The following SLC38A4 variants were observed in gnomAD, a reference collection of about 807,000 sequenced individuals.
SLC38A4 encodes solute carrier family 38 member 4.
SLC38A4 carries 20 observed loss-of-function variants against 63.1 expected under a neutral mutation model. That is an observed-to-expected ratio of 0.32 (90% CI 0.22 to 0.46). SLC38A4 has a LOEUF of 0.46. SLC38A4 is among the 20% of genes least tolerant of loss of function. The pLI is 1.00. For missense variants in SLC38A4, 526 were observed against 663.6 expected (o/e 0.79, Z 2.28); for synonymous variants, 230 against 225.5 (o/e 1.02, Z -0.18).
chr12:46,805,368 G>C (rs1939210706), intron 1 of SLC38A4, among the ~76,000 whole-genome samples: 1 of 151,952 alleles, frequency 6.6e-6, no homozygotes, highest in South Asian at 2.1e-4. Flanking sequence ...ATATACACAT[G>C]AAAACTAATT....
chr12:46,785,503 T>G (rs1303117576), intron 5 of SLC38A4, among the ~76,000 whole-genome samples: 1 of 152,078 alleles, frequency 6.6e-6, no homozygotes, highest in East Asian at 1.9e-4. Context: ...CATGGGAATA[T>G]GTACATCATA....
rs1328237768 is a variant in SLC38A4, at chr12:46,778,484, C to T, written c.993+17G>A. On this transcript the variant is annotated intron_variant, in intron 11 of 16. Coordinates refer to ENST00000266579, the MANE Select transcript of SLC38A4 (RefSeq NM_018018.5). ...ACACATAACTGTACTCATTAGAAGCCCGGACCGCTCACTTACCCGGGAGTT... is the reference window on the plus strand; with the variant it reads ...ACACATAACTGTACTCATTAGAAGCTCGGACCGCTCACTTACCCGGGAGTT... 1.2e-6 allele frequency: 2 copies of T among 1,610,348 alleles called. No individual in the cohort carries two copies. Among genetic ancestry groups the T allele is most frequent in the African/African-American group, 1.3e-5 (1 of 74,864 alleles).
At chr12:46,811,899 T>C (rs1020643310) in intron 1 of SLC38A4, among the ~76,000 whole-genome samples, 7 of 152,002 alleles carry the variant, frequency 4.6e-5, no homozygotes, top group Admixed American at 2.6e-4. Flanking sequence ...ATTGCAAGTC[T>C]TACAGGAGTT....
At chr12:46,778,172 G>A in intron 12 of SLC38A4, 117 bp downstream of exon 12, 1 of 914,390 alleles carries the variant, frequency 1.1e-6, no homozygotes, top group East Asian at 2.5e-5. Context: ...AGGAGTGGAT[G>A]GAGTACATAT....
At chr12:46,770,437 A>G (rs1014713866) in intron 14 of SLC38A4, among the ~76,000 whole-genome samples, 19 of 152,104 alleles carry the variant, frequency 1.2e-4, no homozygotes, top group African/African-American at 4.6e-4. Flanking sequence ...AACATTCCTC[A>G]GACTTTCTAG....
chr12:46,809,052 A>G (rs890394464), intron 1 of SLC38A4, among the ~76,000 whole-genome samples: 2 of 152,038 alleles, frequency 1.3e-5, no homozygotes, highest in Non-Finnish European at 2.9e-5. Context: ...TGTCCCTACC[A>G]GAACAATTTT....
Position 46,778,603 on chromosome 12 carries a change from C to T in SLC38A4, c.891G>A (p.Leu297=). ...GAGAGCCCTTGGCCTGGTTCTCATCCAGCCCTGCAGGATTGCGGTGGGTGT... is the reference window on the plus strand; with the variant it reads ...GAGAGCCCTTGGCCTGGTTCTCATCTAGCCCTGCAGGATTGCGGTGGGTGT... ...MDYTHRNPAG[L]DENQAKGSLH... is the part of the protein sequence containing the mutation. Residue 297 remains leucine (L), a synonymous_variant, in exon 11 of 17, where the codon CTG becomes CTA. Coordinates refer to ENST00000266579, the MANE Select transcript of SLC38A4 (RefSeq NM_018018.5). 1.9e-6 allele frequency: 3 copies of T among 1,613,056 alleles called. No homozygotes were observed. Among genetic ancestry groups the T allele is most frequent in the African/African-American group, 1.3e-5 (1 of 74,948 alleles).
At chr12:46,797,695 G>A (rs1337592556) in intron 2 of SLC38A4, among the ~76,000 whole-genome samples, 1 of 152,070 alleles carries the variant, frequency 6.6e-6, no homozygotes, top group Non-Finnish European at 1.5e-5. Context: ...GGAGAACTCT[G>A]ATGAATACAT....
chr12:46,787,828 CAA>C, intron 5 of SLC38A4, 86 bp downstream of exon 5: 3 of 954,306 alleles, frequency 3.1e-6, no homozygotes, highest in Non-Finnish European at 4.8e-6. Context: ...TTCACGTTCA[CAA>C]AGATCAAACT....
At chr12:46,768,669 A>T (rs1173093299) in intron 15 of SLC38A4, among the ~76,000 whole-genome samples, 1 of 152,046 alleles carries the variant, frequency 6.6e-6, no homozygotes, top group Non-Finnish European at 1.5e-5. Context: ...ATTTAACACA[A>T]ATTTACAGGG....
At chr12:46,767,481 G>A (rs928134861) in intron 16 of SLC38A4, among the ~76,000 whole-genome samples, 1 of 151,900 alleles carries the variant, frequency 6.6e-6, no homozygotes, top group African/African-American at 2.4e-5. Flanking sequence ...GTCACAAACA[G>A]GACAAGTAAT....
At chr12:46,807,410 G>A (rs928551870) in intron 1 of SLC38A4, among the ~76,000 whole-genome samples, 3 of 151,782 alleles carry the variant, frequency 2.0e-5, no homozygotes, top group Non-Finnish European at 2.9e-5. Context: ...TCACATCATA[G>A]GTAAATGTCT....
At chr12:46,818,006 G>A (rs909994989) in intron 1 of SLC38A4, among the ~76,000 whole-genome samples, 1 of 151,842 alleles carries the variant, frequency 6.6e-6, no homozygotes, top group African/African-American at 2.4e-5. Flanking sequence ...GAGTTGAATA[G>A]AATAAAGAGA....
At chr12:46,808,865 C>G (rs1455775970) in intron 1 of SLC38A4, among the ~76,000 whole-genome samples, 2 of 152,048 alleles carry the variant, frequency 1.3e-5, no homozygotes, top group East Asian at 3.9e-4. Context: ...ATAAGTATAA[C>G]AATACTTCCT....
chr12:46,826,895 A>G (rs1303293432), upstream of SLC38A4, among the ~76,000 whole-genome samples: 1 of 152,242 alleles, frequency 6.6e-6, no homozygotes, highest in Non-Finnish European at 1.5e-5. Flanking sequence ...GGTCCATGAA[A>G]AAAATGTTTA....
chr12:46,788,189 T>C (rs570777632), intron 4 of SLC38A4, among the ~76,000 whole-genome samples, 158 bp from the exon 5 acceptor site: 1 of 152,318 alleles, frequency 6.6e-6, no homozygotes, highest in Non-Finnish European at 1.5e-5. Flanking sequence ...AATAAAAGCA[T>C]GTAATTTTCA....
intron 16 of SLC38A4, 138 bp from the exon 17 acceptor site, chr12:46,766,940 A>AC (rs1938313641): frequency 1.7e-6 from 1 of 586,856 alleles, no homozygotes; most frequent in South Asian, 2.3e-5. Flanking sequence ...CCCAGGCCTA[A>AC]CCTATCAGTC....
At chr12:46,788,124 G>C in intron 4 of SLC38A4, 93 bp from the exon 5 acceptor site, 2 of 846,996 alleles carry the variant, frequency 2.4e-6, no homozygotes, top group Non-Finnish European at 3.8e-6. Context: ...GCAGATTACA[G>C]TCCAAAATTG....
chr12:46,785,092 G>A lies in SLC38A4; in HGVS notation c.400+12C>T. ...TTAAAATAGAATGTGTTGGACTCAA[G>A]TGGTAGCATACCTCCTTCCTTGGCT... On this transcript the variant is annotated intron_variant, in intron 6 of 16. Coordinates refer to ENST00000266579, the MANE Select transcript of SLC38A4 (RefSeq NM_018018.5). 1 of 1,597,388 alleles carries A rather than the reference G, an allele frequency of 6.3e-7. No individual in the cohort carries two copies. The highest frequency in any genetic ancestry group is 1.3e-5 in the African/African-American group (1 of 74,586).
Sources: allele counts gnomAD v4.1 joint callset (sites outside exome capture counted in the v4.1 genomes callset), GRCh38; gene constraint gnomAD v4.1.1; transcripts MANE v1.5; gene names NCBI Gene and HGNC (gene_info 2026-07-23, HGNC 2026-07-21).